CTNNA3: variants seen among roughly 807,000 people sequenced by gnomAD.
The protein encoded by CTNNA3 is catenin alpha 3.
In CTNNA3, 76 loss-of-function variants were observed where a neutral mutation model predicts 95.7. The ratio of observed to expected loss-of-function variants is 0.79; its 90% CI spans 0.66 to 0.96. The LOEUF (loss-of-function observed/expected upper bound fraction) is 0.96, where lower values mean the gene tolerates loss of function less well. CTNNA3 is among the 40% of genes least tolerant of loss of function. The pLI is 0.00. For missense variants in CTNNA3, 1,191 were observed against 1,089.8 expected (o/e 1.09, Z -1.31); for synonymous variants, 431 against 374.4 (o/e 1.15, Z -1.74).
intron 13 of CTNNA3, among the ~76,000 whole-genome samples, chr10:66,242,257 C>T (rs2090142758): frequency 6.6e-6 from 1 of 152,008 alleles, no homozygotes; most frequent in African/African-American, 2.4e-5. Context: ...ATCCTGTTAC[C>T]TGAAACAACA....
intron 14 of CTNNA3, among the ~76,000 whole-genome samples, chr10:66,102,702 T>C (rs150997477): frequency 6.6e-6 from 1 of 151,454 alleles, no homozygotes; most frequent in African/African-American, 2.4e-5. Flanking sequence ...GTGGTGGCAG[T>C]GGTGGTGGTG....
intron 6 of CTNNA3, among the ~76,000 whole-genome samples, chr10:67,214,125 T>C (rs1455432423): frequency 6.6e-6 from 1 of 151,822 alleles, no homozygotes; most frequent in East Asian, 1.9e-4. Flanking sequence ...TTACATTTAT[T>C]ATGATTCCAA....
At chr10:66,860,863 C>T (rs117201973) in intron 7 of CTNNA3, among the ~76,000 whole-genome samples, 2,482 of 152,180 alleles carry the variant, frequency 0.016, 45 homozygotes, top group Non-Finnish European at 0.025. Context: ...CATTGTAAAC[C>T]CTATCTGTTG....
intron 3 of CTNNA3, among the ~76,000 whole-genome samples, chr10:67,573,335 C>T (rs1279061719): frequency 1.3e-5 from 2 of 152,060 alleles, no homozygotes; most frequent in African/African-American, 4.8e-5. Context: ...AAGCATGCAG[C>T]CTGGACAGAA....
chr10:67,070,618 G>A (rs1324341925), intron 7 of CTNNA3, among the ~76,000 whole-genome samples: 1 of 151,970 alleles, frequency 6.6e-6, no homozygotes, highest in African/African-American at 2.4e-5. Flanking sequence ...ATGGTGGCGT[G>A]TGCCTGTCTT....
chr10:66,093,797 C>T (rs2081294401), intron 14 of CTNNA3, among the ~76,000 whole-genome samples: 1 of 151,984 alleles, frequency 6.6e-6, no homozygotes, highest in Non-Finnish European at 1.5e-5. Flanking sequence ...TCATGTAATA[C>T]CCTAGGCTCA....
chr10:66,610,256 T>C (rs1374900506), intron 10 of CTNNA3, among the ~76,000 whole-genome samples: 1 of 83,756 alleles, frequency 1.2e-5, no homozygotes, highest in African/African-American at 6.6e-5. Context: ...GGGGGCTATG[T>C]TCCTGGAGCA....
chr10:66,869,991 T>A (rs1013095074), intron 7 of CTNNA3, among the ~76,000 whole-genome samples: 2 of 152,188 alleles, frequency 1.3e-5, no homozygotes, highest in Non-Finnish European at 2.9e-5. Context: ...CAACACTATA[T>A]TCACTTCTAA....
At chr10:66,928,945 AGCCTTTAAACCAAT>A (rs1272351566) in intron 7 of CTNNA3, among the ~76,000 whole-genome samples, 1 of 152,192 alleles carries the variant, frequency 6.6e-6, no homozygotes. Context: ...AGACAGGCAG[AGCCTTTAAACCAAT>A]GCCTGACTTA....
intron 13 of CTNNA3, among the ~76,000 whole-genome samples, chr10:66,250,186 T>C (rs35891552): frequency 0.078 from 11,851 of 152,234 alleles, 594 homozygotes; most frequent in Admixed American, 0.12. Context: ...AAACTTCACA[T>C]GTTCTCACTT....
intron 7 of CTNNA3, among the ~76,000 whole-genome samples, 185 bp downstream of exon 7, chr10:67,180,132 C>T (rs1300650761): frequency 1.3e-5 from 2 of 152,110 alleles, no homozygotes; most frequent in Non-Finnish European, 2.9e-5. Flanking sequence ...GATCTCATCC[C>T]TAGAAATTCC....
At chr10:66,085,464 T>C (rs1439839827) in intron 14 of CTNNA3, among the ~76,000 whole-genome samples, 1 of 152,150 alleles carries the variant, frequency 6.6e-6, no homozygotes, top group Non-Finnish European at 1.5e-5. Context: ...GTCTGTATAA[T>C]AAGTTAATGT....
intron 3 of CTNNA3, among the ~76,000 whole-genome samples, chr10:67,571,020 A>T (rs902145954): frequency 2.0e-5 from 3 of 152,200 alleles, no homozygotes; most frequent in Non-Finnish European, 2.9e-5. Flanking sequence ...TTTTTAGTCA[A>T]ACAGTAACAG....
chr10:66,353,892 TAA>T (rs5785756), intron 12 of CTNNA3, among the ~76,000 whole-genome samples: 1,497 of 148,098 alleles, frequency 0.01, 22 homozygotes, highest in African/African-American at 0.031. Context: ...GGGGAAAGAG[TAA>T]AAAAAAAAAA....
intron 1 of CTNNA3, among the ~76,000 whole-genome samples, chr10:67,727,637 T>G (rs1379545160): frequency 7.8e-6 from 1 of 128,488 alleles, no homozygotes; most frequent in Non-Finnish European, 1.6e-5. Context: ...TATTATATAT[T>G]ATATATTATT....
intron 9 of CTNNA3, among the ~76,000 whole-genome samples, chr10:66,735,607 T>C (rs1849108784): frequency 6.6e-6 from 1 of 152,308 alleles, no homozygotes; most frequent in African/African-American, 2.4e-5. Context: ...TGGGTCAGTC[T>C]TGTTTTGTTT....
chr10:67,011,981 G>A (rs1463638997), intron 7 of CTNNA3, among the ~76,000 whole-genome samples: 1 of 152,084 alleles, frequency 6.6e-6, no homozygotes, highest in East Asian at 1.9e-4. Context: ...TACCTCCTCT[G>A]TCATTTCAAG....
At chr10:66,716,454 G>A (rs1848452700) in intron 9 of CTNNA3, among the ~76,000 whole-genome samples, 1 of 152,126 alleles carries the variant, frequency 6.6e-6, no homozygotes, top group South Asian at 2.1e-4. Flanking sequence ...AACTGCAAAT[G>A]TTCATGGCAT....
At chr10:67,500,612 G>A (rs188939453) in intron 5 of CTNNA3, among the ~76,000 whole-genome samples, 5 of 152,314 alleles carry the variant, frequency 3.3e-5, no homozygotes, top group Non-Finnish European at 5.9e-5. Flanking sequence ...GGGTGCTCCC[G>A]TATTGGGTGC....
Sources: allele counts gnomAD v4.1 joint callset (sites outside exome capture counted in the v4.1 genomes callset), GRCh38; gene constraint gnomAD v4.1.1; transcripts MANE v1.5; gene names NCBI Gene and HGNC (gene_info 2026-07-23, HGNC 2026-07-21).